Variants in DRG2 observed in about 807,000 individuals in gnomAD.
The protein encoded by DRG2 is developmentally regulated GTP binding protein 2.
DRG2 carries 36 observed loss-of-function variants against 53.4 expected under a neutral mutation model. The observed-to-expected ratio is 0.67, with a 90% CI of 0.52 to 0.89. DRG2 has a LOEUF of 0.89. Among genes scored for constraint, DRG2 ranks in the 40% least tolerant of loss-of-function variants. The pLI is 0.00. For synonymous variants in DRG2, 167 were observed against 192.1 expected, an observed-to-expected ratio of 0.87 and a Z score of 1.08; for missense variants, 342 against 481.2, an observed-to-expected ratio of 0.71 and a Z score of 2.71.
intron 1 of DRG2, among the ~76,000 whole-genome samples, chr17:18,089,582 A>C (rs577592389): frequency 6.6e-6 from 1 of 152,350 alleles, no homozygotes; most frequent in African/African-American, 2.4e-5. Context: ...GTCAGCCAGC[A>C]ATATGTGCTA....
intron 12 of DRG2, 22 bp from the exon 13 acceptor site, chr17:18,107,132 T>TC (rs776304845): frequency 5.0e-6 from 8 of 1,611,918 alleles, no homozygotes; most frequent in Non-Finnish European, 6.8e-6. Context: ...AGGTGACCCC[T>TC]CTGCCCCCAT....
rs559959691 is a variant in DRG2, at chr17:18,096,572, A to C, written c.226-1698A>C. 2.6e-5 allele frequency: 4 copies of C among 152,326 alleles called. No homozygotes were observed. The East Asian group carries it at 7.7e-4, about 29-fold the overall frequency. The allele number at this position is 152,326 out of a possible 1,614,324, so 9.4% of individuals were successfully genotyped here. On this transcript the variant is annotated intron_variant, in intron 2 of 12. Transcript: ENST00000225729. ...AAGATGCCTCAGGCTCATTTTGTAT[A>C]TTCCCTGCCCTGGCCTAGAATCTGC... is the stretch of plus-strand genomic sequence containing the variant.
At chr17:18,093,731 C>T (rs1294687153) in intron 1 of DRG2, 82 bp from the exon 2 acceptor site, 3 of 1,503,566 alleles carry the variant, frequency 2.0e-6, no homozygotes, top group African/African-American at 2.8e-5. Flanking sequence ...CCAGCCAGCA[C>T]TTGGCGACAT....
intron 1 of DRG2, 107 bp from the exon 2 acceptor site, chr17:18,093,706 G>A: frequency 7.8e-7 from 1 of 1,286,552 alleles, no homozygotes; most frequent in East Asian, 2.4e-5. Context: ...TGATCTCCTT[G>A]ACAGCAGTTG....
At position 18,098,327 on chromosome 17, in the gene DRG2, A is replaced by G; in HGVS notation, c.283A>G (p.Thr95Ala). 6.2e-7 allele frequency: 1 copy of G among 1,613,962 alleles called. No homozygotes were observed. Among genetic ancestry groups the G allele is most frequent in the Non-Finnish European group, 8.5e-7 (1 of 1,179,882 alleles). ...CAGCGAGGCAGCGTCCTATGAGTTC[A>G]CCACTCTGACGTGTATTCCTGGGGT... ...TASEAASYEF[T>A]TLTCIPGVIE... Residue 95 changes from threonine to alanine, a missense_variant, in exon 3 of 13, where the codon ACC (threonine) becomes GCC (alanine). Coordinates refer to ENST00000225729, the MANE Select transcript of DRG2 (RefSeq NM_001388.5). This position sits in a 1 kb window ranked among gnomAD's most constrained non-coding sequence, Gnocchi z 4.1.
chr17:18,094,889 G>A (rs150339990), intron 2 of DRG2, among the ~76,000 whole-genome samples: 2,232 of 133,630 alleles, frequency 0.017, 58 homozygotes, highest in East Asian at 0.13. Context: ...CAGGAGAATC[G>A]CTTGAACCTG....
chr17:18,091,397 G>A (rs2045330948), intron 1 of DRG2, among the ~76,000 whole-genome samples: 1 of 152,084 alleles, frequency 6.6e-6, no homozygotes, highest in African/African-American at 2.4e-5. Flanking sequence ...ACCAACCTGG[G>A]CGACACGGTG....
In DRG2 at chr17:18,103,093, C is replaced by T. The variant is rs1211940037; in HGVS notation, c.807-708C>T. 6.6e-6 allele frequency among the ~76,000 whole-genome samples: 1 copy of T among 152,178 alleles called. No homozygotes were observed. The highest frequency in any genetic ancestry group is 2.4e-5 in the African/African-American group (1 of 41,434). On this transcript the variant is annotated intron_variant, in intron 9 of 12. Transcript: ENST00000225729. The surrounding 1 kb of genome is among the most constrained non-coding windows in gnomAD (Gnocchi z 4.4). Reference sequence around the variant, plus strand: ...ACCACAAAGAGCAGTGTCAGTTCTACAGCACAGCCTCAGGTCCTCTCCTCC... The same window carrying T: ...ACCACAAAGAGCAGTGTCAGTTCTATAGCACAGCCTCAGGTCCTCTCCTCC...
intron 1 of DRG2, among the ~76,000 whole-genome samples, chr17:18,092,948 T>G (rs2045359890): frequency 6.6e-6 from 1 of 152,226 alleles, no homozygotes; most frequent in South Asian, 2.1e-4. Flanking sequence ...CTTCCCTTCA[T>G]ATACATAATA....
intron 11 of DRG2, among the ~76,000 whole-genome samples, chr17:18,105,075 C>T (rs999303239): frequency 1.3e-5 from 2 of 152,140 alleles, no homozygotes; most frequent in South Asian, 2.1e-4. Context: ...ACAGCGGCTT[C>T]AAGGAGGCAA....
chr17:18,107,524 G>A lies in DRG2; in HGVS notation c.*284G>A. On this transcript the variant is annotated 3_prime_UTR_variant, in exon 13 of 13. Transcript: ENST00000225729. ...GTGCCTCCCAGCCCCCTGCACTGAG[G>A]GAGCAAGTTGCCCACATGCCCGCCA... 2.2e-6 allele frequency: 1 copy of A among 464,008 alleles called. No homozygotes were observed. The highest frequency in any genetic ancestry group is 4.0e-6 in the Non-Finnish European group (1 of 253,112). The allele number at this position is 464,008 out of a possible 1,614,324, so 28.7% of individuals were successfully genotyped here.
chr17:18,100,794 T>G lies in DRG2; in HGVS notation c.631+135T>G. ...CCACTGCCCCTGCTGTCCATTCAAGTAGCCTCTGGGCAAGCTCCAGACTGC... is the reference window on the plus strand; with the variant it reads ...CCACTGCCCCTGCTGTCCATTCAAGGAGCCTCTGGGCAAGCTCCAGACTGC... On this transcript the variant is annotated intron_variant, in intron 7 of 12. Transcript: ENST00000225729. This position sits in a 1 kb window ranked among gnomAD's most constrained non-coding sequence, Gnocchi z 4.1. 1 of 851,134 alleles carries G rather than the reference T, an allele frequency of 1.2e-6. No homozygotes were observed. Among genetic ancestry groups the G allele is most frequent in the Non-Finnish European group, 1.9e-6 (1 of 535,068 alleles). The allele number at this position is 851,134 out of a possible 1,614,324, so 52.7% of individuals were successfully genotyped here. A position where few individuals can be genotyped will look rare whatever the true frequency, so the allele number is the denominator to read the frequency against.
At position 18,105,913 on chromosome 17, in the gene DRG2, C is replaced by G. The variant is rs926240973; in HGVS notation, c.955-520C>G. The stretch of plus-strand genomic sequence containing the variant: ...TTGCTGGCTGCCTCCTCCAGGGTCT[C>G]CTTCCAGTTTTATATGACATCTGGG... On this transcript the variant is annotated intron_variant, in intron 11 of 12. Transcript: ENST00000225729. 19 of 162,830 alleles carry G rather than the reference C, an allele frequency of 1.2e-4. 1 individual carries two copies. Among genetic ancestry groups the G allele is most frequent in the African/African-American group, 4.5e-4 (19 of 42,082 alleles). The allele number at this position is 162,830 out of a possible 1,614,324, so 10.1% of individuals were successfully genotyped here. A position where few individuals can be genotyped will look rare whatever the true frequency, so the allele number is the denominator to read the frequency against.
At chr17:18,094,914 C>T (rs1309730995) in intron 2 of DRG2, among the ~76,000 whole-genome samples, 13 of 113,278 alleles carry the variant, frequency 1.1e-4, no homozygotes, top group Admixed American at 6.6e-4. Flanking sequence ...GCAGAGGTTG[C>T]GGTGAGCCGA....
intron 12 of DRG2, 107 bp from the exon 13 acceptor site, chr17:18,107,047 C>T: frequency 9.6e-7 from 1 of 1,038,752 alleles, no homozygotes. Flanking sequence ...AGGCCCCCAC[C>T]TTATGCCATG....
chr17:18,105,570 G>A (rs1466858688), intron 11 of DRG2: 1 of 152,314 alleles, frequency 6.6e-6, no homozygotes, highest in Non-Finnish European at 1.5e-5. Context: ...AGGAGCCAAG[G>A]AGACTCACGA....
Position 18,100,064 on chromosome 17 carries a change from A to G in DRG2, c.468-299A>G. On this transcript the variant is annotated intron_variant, in intron 5 of 12. Coordinates refer to ENST00000225729, the MANE Select transcript of DRG2 (RefSeq NM_001388.5). This position sits in a 1 kb window ranked among gnomAD's most constrained non-coding sequence, Gnocchi z 4.1. ...CATCCACATCCTGGCAGAGGGGTAC[A>G]CCAGGCCTGCCTCCTCGGGACCAGA... 2 of 576,538 alleles carry G rather than the reference A, an allele frequency of 3.5e-6. No individual in the cohort carries two copies. Among genetic ancestry groups the G allele is most frequent in the East Asian group, 5.8e-5 (2 of 34,328 alleles). 35.7% of individuals were successfully genotyped at this position (576,538 alleles called of 1,614,324 possible). A position where few individuals can be genotyped will look rare whatever the true frequency, so the allele number is the denominator to read the frequency against.
In DRG2 at chr17:18,100,644, A is replaced by G; in HGVS notation, c.616A>G (p.Ile206Val). 1.2e-6 allele frequency: 2 copies of G among 1,613,738 alleles called. No individual in the cohort carries two copies. Among genetic ancestry groups the G allele is most frequent in the South Asian group, 1.1e-5 (1 of 91,018 alleles). ...GTGCTCGGAAAAGCTGGTGCAGCTC[A>G]TCCTGCACGAATACAGTATCCTTCC... ...TQCSEKLVQL[I>V]LHEYKIFNAE... The change falls in exon 7 of 13, where the codon ATC (isoleucine) becomes GTC (valine). Residue 206 changes from isoleucine (I) to valine (V), a missense_variant. By Grantham distance (29) the Ile-to-Val change is conservative. Coordinates refer to ENST00000225729, the MANE Select transcript of DRG2 (RefSeq NM_001388.5). The surrounding 1 kb of genome is among the most constrained non-coding windows in gnomAD (Gnocchi z 4.1).
Position 18,099,002 on chromosome 17 carries a change from T to C in DRG2, c.316-15T>C. ...GCCCAGCCTTGCCTTACCTTTCTTC[T>C]CTTCTGCATCCTAGTACAAAGGTGC... On this transcript the variant is annotated splice_polypyrimidine_tract_variant and intron_variant, in intron 3 of 12. Coordinates refer to ENST00000225729, the MANE Select transcript of DRG2 (RefSeq NM_001388.5). This position sits in a 1 kb window ranked among gnomAD's most constrained non-coding sequence, Gnocchi z 4.4. 1 of 1,613,928 alleles carries C rather than the reference T, an allele frequency of 6.2e-7. No homozygotes were observed. The highest frequency in any genetic ancestry group is 8.5e-7 in the Non-Finnish European group (1 of 1,179,892).
Sources: gnomAD v4.1 joint callset for allele counts (sites outside exome capture counted in the v4.1 genomes callset) on GRCh38, gnomAD v4.1.1 for gene constraint, Gnocchi (gnomAD v3.1) non-coding constraint, MANE v1.5 for transcripts, NCBI Gene and HGNC (gene_info 2026-07-23, HGNC 2026-07-21) for gene names.